Variants in ADGRE3 observed in about 807,000 individuals in gnomAD.
ADGRE3 encodes the protein adhesion G protein-coupled receptor E3.
In ADGRE3, 88 loss-of-function variants were observed where a neutral mutation model predicts 80.1. That is an observed-to-expected ratio of 1.10 (90% CI 0.93 to 1.31). The LOEUF (loss-of-function observed/expected upper bound fraction) is 1.31. Ranked by LOEUF, ADGRE3 falls within the 40% of genes most tolerant of loss-of-function variation. The pLI is 0.00. For synonymous variants in ADGRE3, 281 were observed against 294.8 expected (o/e 0.95, Z 0.48); for missense variants, 715 against 776.5 (o/e 0.92, Z 0.94).
intron 5 of ADGRE3, among the ~76,000 whole-genome samples, chr19:14,657,751 T>A (rs1568495283): frequency 6.8e-6 from 1 of 146,704 alleles, no homozygotes; most frequent in African/African-American, 2.6e-5. Context: ...ATATATTTTT[T>A]TGTTTGTTTG....
downstream of ADGRE3, among the ~76,000 whole-genome samples, chr19:14,617,341 C>CCTCCCTCCATTTCTTTCTTT: frequency 1.7e-5 from 1 of 57,170 alleles, no homozygotes; most frequent in Admixed American, 2.0e-4. Context: ...TCCCTCCCTC[C>CCTCCCTCCATTTCTTTCTTT]CTTTCTTTCT....
chr19:14,661,447 A>G (rs973771049), intron 4 of ADGRE3, among the ~76,000 whole-genome samples: 1 of 151,990 alleles, frequency 6.6e-6, no homozygotes, highest in African/African-American at 2.4e-5. Context: ...GTTTTCATAA[A>G]CCCATTTTTT....
At chr19:14,619,508 G>A (rs1002868260) in intron 15 of ADGRE3, 37 bp from the exon 16 acceptor site, 7 of 1,464,694 alleles carry the variant, frequency 4.8e-6, no homozygotes, top group African/African-American at 1.4e-5. Flanking sequence ...GGATGTAAGG[G>A]TAAAATAAAG....
the ADGRE3 span, among the ~76,000 whole-genome samples, chr19:14,607,341 C>T: frequency 2.7e-5 from 4 of 150,906 alleles, no homozygotes; most frequent in South Asian, 4.2e-4. Context: ...GTGGCTGGGA[C>T]TACAGGTGCC....
intron 1 of ADGRE3, among the ~76,000 whole-genome samples, chr19:14,672,039 T>G (rs1056419376): frequency 5.9e-5 from 9 of 152,152 alleles, no homozygotes; most frequent in Non-Finnish European, 1.2e-4. Flanking sequence ...CGTGAGGCAC[T>G]TTCTTCTTTT....
intron 11 of ADGRE3, among the ~76,000 whole-genome samples, chr19:14,637,367 G>A (rs1261852300): frequency 2.0e-5 from 3 of 149,748 alleles, no homozygotes; most frequent in Admixed American, 6.7e-5. Flanking sequence ...TCATCTTCTC[G>A]CTTGGCGCCC....
chr19:14,600,287 C>G, the ADGRE3 span: 1 of 1,364,990 alleles, frequency 7.3e-7, no homozygotes, highest in Non-Finnish European at 1.0e-6. Context: ...ATTAGAATTA[C>G]TTTTCAGTTA....
the ADGRE3 span, among the ~76,000 whole-genome samples, chr19:14,603,359 C>T: frequency 2.0e-5 from 3 of 152,164 alleles, no homozygotes; most frequent in Non-Finnish European, 2.9e-5. Context: ...TACTTAACCC[C>T]TCTGTGCCTC....
At chr19:14,637,102 C>CA (rs1324450955) in intron 11 of ADGRE3, among the ~76,000 whole-genome samples, 2 of 151,870 alleles carry the variant, frequency 1.3e-5, no homozygotes, top group Admixed American at 1.3e-4. Context: ...CTCAATAAAA[C>CA]AAAAAAACAA....
At chr19:14,672,135 T>C (rs1172404839) in intron 1 of ADGRE3, among the ~76,000 whole-genome samples, 1 of 152,182 alleles carries the variant, frequency 6.6e-6, no homozygotes, top group Admixed American at 6.5e-5. Flanking sequence ...ATAAACCATA[T>C]GGCTGAATAG....
chr19:14,625,465 T>G, intron 15 of ADGRE3, 27 bp downstream of exon 15: 1 of 1,387,500 alleles, frequency 7.2e-7, no homozygotes, highest in Non-Finnish European at 1.0e-6. Context: ...ATGTAAAACA[T>G]TAGAACAATT....
chr19:14,607,553 A>ATTTT, the ADGRE3 span, among the ~76,000 whole-genome samples: 1 of 93,512 alleles, frequency 1.1e-5, no homozygotes, highest in Non-Finnish European at 2.4e-5. Context: ...TTATTTTATT[A>ATTTT]TTTATTTATT....
Position 14,637,977 on chromosome 19 carries a change from G to A in ADGRE3, c.1484+128C>T, listed in dbSNP as rs916802980. On this transcript the variant is annotated intron_variant, in intron 11 of 15. Transcript: ENST00000253673. ...TCTCACCCTGCTTTGTTGGGAAAGAGGTTAGAGCTGTTATAAAGGAGAACG... is the reference window on the plus strand; with the variant it reads ...TCTCACCCTGCTTTGTTGGGAAAGAAGTTAGAGCTGTTATAAAGGAGAACG... 1.0e-5 allele frequency: 7 copies of A among 696,474 alleles called. No individual in the cohort carries two copies. In the African/African-American group the frequency reaches 1.1e-4, roughly 11 times the overall value. 43.1% of individuals were successfully genotyped at this position (696,474 alleles called of 1,614,324 possible). A position where few individuals can be genotyped will look rare whatever the true frequency, so the allele number is the denominator to read the frequency against.
intron 1 of ADGRE3, among the ~76,000 whole-genome samples, chr19:14,672,137 G>A (rs1359690094): frequency 6.6e-6 from 1 of 152,150 alleles, no homozygotes; most frequent in East Asian, 1.9e-4. Context: ...AAACCATATG[G>A]CTGAATAGTG....
chr19:14,658,410 A>G, intron 5 of ADGRE3, 103 bp downstream of exon 5: 2 of 512,156 alleles, frequency 3.9e-6, no homozygotes, highest in Non-Finnish European at 6.5e-6. Context: ...TATAATATAT[A>G]TTTTGCCCTA....
the ADGRE3 span, among the ~76,000 whole-genome samples, chr19:14,607,446 G>A: frequency 6.1e-3 from 926 of 151,870 alleles, 4 homozygotes; most frequent in South Asian, 0.011. Flanking sequence ...CTCGTGATCT[G>A]CCCGCCTTGG....
At chr19:14,607,417 A>C in the ADGRE3 span, among the ~76,000 whole-genome samples, 8 of 151,298 alleles carry the variant, frequency 5.3e-5, no homozygotes, top group South Asian at 2.1e-4. Flanking sequence ...GTTAGCCAGG[A>C]TGGTCTTGAT....
At chr19:14,600,535 C>T in the ADGRE3 span, among the ~76,000 whole-genome samples, 9 of 152,100 alleles carry the variant, frequency 5.9e-5, no homozygotes, top group Non-Finnish European at 1.2e-4. Flanking sequence ...GCAATCCTCA[C>T]GACAACCTAT....
intron 8 of ADGRE3, among the ~76,000 whole-genome samples, chr19:14,645,800 C>T (rs949326346): frequency 6.6e-6 from 1 of 152,030 alleles, no homozygotes; most frequent in Non-Finnish European, 1.5e-5. Flanking sequence ...TATGAGTCCC[C>T]CTCTCTACCA....
Sources: gnomAD v4.1 joint callset for allele counts (sites outside exome capture counted in the v4.1 genomes callset) on GRCh38, gnomAD v4.1.1 for gene constraint, MANE v1.5 for transcripts, NCBI Gene and HGNC (gene_info 2026-07-23, HGNC 2026-07-21) for gene names.